The following SHISA9 variants were observed in gnomAD, a reference collection of about 807,000 sequenced individuals.
The protein encoded by SHISA9 is protein shisa-9.
SHISA9 carries 13 observed loss-of-function variants against 38.0 expected under a neutral mutation model. The ratio of observed to expected loss-of-function variants is 0.34; its 90% CI spans 0.22 to 0.54. SHISA9 has a LOEUF of 0.54. Among genes scored for constraint, SHISA9 ranks in the 20% least tolerant of loss-of-function variants. The probability of loss-of-function intolerance (pLI) is 0.91; values close to 1 mark genes in which losing one functional copy is unlikely to be tolerated. For missense variants in SHISA9, 538 were observed against 575.8 expected (o/e 0.93, Z 0.67); for synonymous variants, 275 against 242.0 (o/e 1.14, Z -1.27).
chr16:13,360,207 C>A, the SHISA9 span, among the ~76,000 whole-genome samples: 2 of 152,210 alleles, frequency 1.3e-5, no homozygotes, highest in African/African-American at 4.8e-5. Flanking sequence ...TAGTGCAAGA[C>A]CACTCAGAGA....
intron 2 of SHISA9, among the ~76,000 whole-genome samples, chr16:13,045,913 C>A (rs2073183062): frequency 6.6e-6 from 1 of 152,114 alleles, no homozygotes; most frequent in East Asian, 1.9e-4. Flanking sequence ...TAAGTCAGAC[C>A]TTTTGACGAG....
the SHISA9 span, among the ~76,000 whole-genome samples, chr16:13,408,577 C>A: frequency 6.6e-6 from 1 of 152,116 alleles, no homozygotes; most frequent in African/African-American, 2.4e-5. Context: ...CTCAGCTTCA[C>A]AATTCATTGT....
At position 13,003,877 on chromosome 16, in the gene SHISA9, T is replaced by G. The variant is rs532605067; in HGVS notation, c.691+87062T>G. Among the ~76,000 whole-genome samples the G allele has an allele frequency of 3.3e-3, 484 of 145,016 alleles. 1 individual carries two copies. Among genetic ancestry groups the G allele is most frequent in the African/African-American group, 9.1e-3 (343 of 37,788 alleles). On this transcript the variant is annotated intron_variant, in intron 2 of 4. Coordinates refer to ENST00000558583, the MANE Select transcript of SHISA9 (RefSeq NM_001145204.3). Reference sequence around the variant, plus strand: ...CGTCTCAAAATAATAATAATAATAATAATAATAATAATAAGAAGAAGAAGA... The same window carrying G: ...CGTCTCAAAATAATAATAATAATAAGAATAATAATAATAAGAAGAAGAAGA...
At chr16:13,463,480 G>A in the SHISA9 span, among the ~76,000 whole-genome samples, 1 of 152,198 alleles carries the variant, frequency 6.6e-6, no homozygotes, top group Non-Finnish European at 1.5e-5. Flanking sequence ...TTGCTCGGGA[G>A]CTCTGTTGCC....
chr16:13,042,095 G>A (rs1396685483), intron 2 of SHISA9, among the ~76,000 whole-genome samples: 1 of 152,166 alleles, frequency 6.6e-6, no homozygotes, highest in African/African-American at 2.4e-5. Flanking sequence ...CAACTATGGA[G>A]GCAGTTCTGT....
chr16:13,502,018 C>T, the SHISA9 span, among the ~76,000 whole-genome samples: 2 of 147,570 alleles, frequency 1.4e-5, no homozygotes, highest in Non-Finnish European at 3.0e-5. Flanking sequence ...AAAAAAATTG[C>T]TGAAAGAATG....
chr16:13,463,521 G>A, the SHISA9 span, among the ~76,000 whole-genome samples: 9 of 152,164 alleles, frequency 5.9e-5, no homozygotes, highest in Non-Finnish European at 5.9e-5. Context: ...GGAATTAAAC[G>A]TCACCTATTG....
At chr16:13,010,723 G>C (rs1420080759) in intron 2 of SHISA9, among the ~76,000 whole-genome samples, 1 of 152,142 alleles carries the variant, frequency 6.6e-6, no homozygotes, top group Non-Finnish European at 1.5e-5. Context: ...AGGCCAAGGC[G>C]GGCGGATCAC....
chr16:13,500,136 C>T, the SHISA9 span, among the ~76,000 whole-genome samples: 30,920 of 152,022 alleles, frequency 0.2, 3,329 homozygotes, highest in South Asian at 0.34. Flanking sequence ...GGCGGTTTCC[C>T]CCATGCTGTT....
chr16:13,120,085 A>G lies in SHISA9; in HGVS notation c.692-83309A>G, dbSNP rs899010439. Among the ~76,000 whole-genome samples, 8 of 152,200 alleles carry G rather than the reference A, an allele frequency of 5.3e-5. No individual in the cohort carries two copies. The South Asian group carries it at 8.3e-4, about 16-fold the overall frequency. On this transcript the variant is annotated intron_variant, in intron 2 of 4. Coordinates refer to ENST00000558583, the MANE Select transcript of SHISA9 (RefSeq NM_001145204.3). ...CTGGCATAACCTTAGAGATGGCAAA[A>G]TTACAGCTGGTCACGAGAGGAAGGG...
In SHISA9 at chr16:13,239,105, C is replaced by T. The variant is rs887237920; in HGVS notation, c.*3696C>T. The T allele has an allele frequency of 6.0e-5, 9 of 149,374 alleles. No individual in the cohort carries two copies. Among genetic ancestry groups the T allele is most frequent in the African/African-American group, 1.5e-4 (6 of 40,552 alleles). 9.3% of individuals were successfully genotyped at this position (149,374 alleles called of 1,614,324 possible). On this transcript the variant is annotated 3_prime_UTR_variant, in exon 5 of 5. Coordinates refer to ENST00000558583, the MANE Select transcript of SHISA9 (RefSeq NM_001145204.3). ...GCAGTGTTTGGTTTTTTTGTCCTTG[C>T]GATAGTTTACTGAGAATGATGATTT... is the stretch of plus-strand genomic sequence containing the variant.
intron 1 of SHISA9, among the ~76,000 whole-genome samples, chr16:12,903,417 G>C (rs1310880993): frequency 6.6e-6 from 1 of 152,198 alleles, no homozygotes; most frequent in Non-Finnish European, 1.5e-5. Context: ...CAACTTTCGG[G>C]TTTGCCTTGT....
At chr16:12,927,230 G>A (rs1201742476) in intron 2 of SHISA9, among the ~76,000 whole-genome samples, 1 of 152,146 alleles carries the variant, frequency 6.6e-6, no homozygotes, top group Non-Finnish European at 1.5e-5. Flanking sequence ...TAATTACAAG[G>A]TGAAAAGGAA....
the SHISA9 span, among the ~76,000 whole-genome samples, chr16:13,397,415 G>GGTTTGTT: frequency 3.3e-5 from 5 of 151,742 alleles, no homozygotes; most frequent in African/African-American, 1.2e-4. Flanking sequence ...CAGTGTTTTT[G>GGTTTGTT]GTTTGTTTGT....
the SHISA9 span, among the ~76,000 whole-genome samples, chr16:13,505,224 A>G: frequency 6.6e-6 from 1 of 152,222 alleles, no homozygotes; most frequent in Non-Finnish European, 1.5e-5. Context: ...CAGAATGGCA[A>G]AAGCAATCAT....
intron 1 of SHISA9, among the ~76,000 whole-genome samples, chr16:12,912,113 A>G (rs942438239): frequency 6.6e-6 from 1 of 152,054 alleles, no homozygotes; most frequent in African/African-American, 2.4e-5. Flanking sequence ...GCCAGCATCA[A>G]TACACGTAAG....
intron 2 of SHISA9, among the ~76,000 whole-genome samples, chr16:13,094,717 G>C (rs1347128496): frequency 6.6e-6 from 1 of 152,126 alleles, no homozygotes; most frequent in African/African-American, 2.4e-5. Context: ...TGTAGACTTT[G>C]TTTTGGGTAA....
the SHISA9 span, among the ~76,000 whole-genome samples, chr16:13,520,177 C>A: frequency 1.3e-5 from 2 of 152,150 alleles, no homozygotes; most frequent in African/African-American, 4.8e-5. Context: ...TATGAGGCAA[C>A]CCACATCAAG....
chr16:13,172,835 T>C (rs1472989967), intron 2 of SHISA9, among the ~76,000 whole-genome samples: 1 of 150,816 alleles, frequency 6.6e-6, no homozygotes, highest in African/African-American at 2.4e-5. Flanking sequence ...GGTGATGAAG[T>C]GGAAATATTT....
Sources: gnomAD v4.1 joint callset for allele counts (sites outside exome capture counted in the v4.1 genomes callset) on GRCh38, gnomAD v4.1.1 for gene constraint, MANE v1.5 for transcripts, NCBI Gene and HGNC (gene_info 2026-07-23, HGNC 2026-07-21) for gene names.